The following STARD13 variants were observed in gnomAD, a reference collection of about 807,000 sequenced individuals.
STARD13 encodes the protein stAR-related lipid transfer protein 13.
Under a neutral mutation model 106.4 loss-of-function variants are expected in STARD13, and 62 were observed. The observed-to-expected ratio is 0.58, with a 90% CI of 0.48 to 0.72. STARD13 has a LOEUF of 0.72. Ranked by LOEUF, STARD13 falls within the 30% of genes least tolerant of loss-of-function variation. STARD13 has a pLI of 0.00. For missense variants in STARD13, 1,387 were observed against 1,424.0 expected (o/e 0.97, Z 0.42); for synonymous variants, 565 against 553.0 (o/e 1.02, Z -0.31).
chr13:33,648,523 T>G, the STARD13 span, among the ~76,000 whole-genome samples: 1 of 152,330 alleles, frequency 6.6e-6, no homozygotes, highest in South Asian at 2.1e-4. Context: ...AAATGTGGCA[T>G]AGTATGGAAA....
At chr13:33,334,266 T>A (rs201113108) in intron 1 of STARD13, among the ~76,000 whole-genome samples, 1 of 152,300 alleles carries the variant, frequency 6.6e-6, no homozygotes, top group East Asian at 1.9e-4. Flanking sequence ...GGTGAAAGAC[T>A]TTTTTATTGC....
chr13:33,508,956 C>G, the STARD13 span, among the ~76,000 whole-genome samples: 1 of 152,092 alleles, frequency 6.6e-6, no homozygotes, highest in African/African-American at 2.4e-5. Flanking sequence ...ACCTGTAACA[C>G]AATGGTTAAG....
At chr13:33,576,226 C>T in the STARD13 span, among the ~76,000 whole-genome samples, 5 of 151,882 alleles carry the variant, frequency 3.3e-5, no homozygotes, top group Non-Finnish European at 7.4e-5. Context: ...ACTGTTGGTT[C>T]TGCTCTTTTT....
chr13:33,124,949 A>C (rs630209), intron 7 of STARD13, among the ~76,000 whole-genome samples: 80,947 of 152,064 alleles, frequency 0.53, 23,020 homozygotes, highest in Non-Finnish European at 0.63. Context: ...GCGATGACAT[A>C]CAAATATGGA....
At chr13:33,573,347 C>T in the STARD13 span, among the ~76,000 whole-genome samples, 3 of 152,102 alleles carry the variant, frequency 2.0e-5, no homozygotes. Flanking sequence ...TCGTACATAC[C>T]AACCTATCTA....
chr13:33,637,145 T>G, the STARD13 span, among the ~76,000 whole-genome samples: 1 of 152,180 alleles, frequency 6.6e-6, no homozygotes, highest in African/African-American at 2.4e-5. Context: ...ACTGTCATCA[T>G]CTGGAAAGAG....
At chr13:33,248,657 GT>G (rs1889950018) in intron 1 of STARD13, among the ~76,000 whole-genome samples, 2 of 151,812 alleles carry the variant, frequency 1.3e-5, no homozygotes, top group Non-Finnish European at 2.9e-5. Context: ...ATCTTCTTTT[GT>G]TTTGGTATTC....
chr13:33,140,762 C>CT (rs1190491022), intron 4 of STARD13, among the ~76,000 whole-genome samples: 5,119 of 142,202 alleles, frequency 0.036, 295 homozygotes, highest in African/African-American at 0.11. Flanking sequence ...ACTTTCTTTT[C>CT]TTTCTTTTTT....
chr13:33,173,064 G>A (rs1884151994), intron 1 of STARD13, among the ~76,000 whole-genome samples: 1 of 152,168 alleles, frequency 6.6e-6, no homozygotes, highest in Non-Finnish European at 1.5e-5. Flanking sequence ...TGGGCACCCT[G>A]TTTCTAAAAG....
At chr13:33,515,755 T>G in the STARD13 span, among the ~76,000 whole-genome samples, 9 of 152,094 alleles carry the variant, frequency 5.9e-5, no homozygotes, top group Admixed American at 5.2e-4. Flanking sequence ...AACTAATTAT[T>G]GAGCAGTACA....
chr13:33,581,155 ATGAT>A, the STARD13 span, among the ~76,000 whole-genome samples: 1 of 152,122 alleles, frequency 6.6e-6, no homozygotes, highest in Non-Finnish European at 1.5e-5. Flanking sequence ...AGAACAGAGG[ATGAT>A]TGTCAGAACA....
At chr13:33,292,375 G>A (rs776982539) in intron 1 of STARD13, among the ~76,000 whole-genome samples, 1 of 151,174 alleles carries the variant, frequency 6.6e-6, no homozygotes, top group Non-Finnish European at 1.5e-5. Context: ...TGCATCACTT[G>A]AGCTCAGGAG....
the STARD13 span, among the ~76,000 whole-genome samples, chr13:33,621,883 C>A: frequency 6.6e-6 from 1 of 150,926 alleles, no homozygotes; most frequent in Non-Finnish European, 1.5e-5. Flanking sequence ...TGGCTCACTG[C>A]AACCTCCCCC....
the STARD13 span, among the ~76,000 whole-genome samples, chr13:33,448,341 A>G: frequency 6.6e-6 from 1 of 152,166 alleles, no homozygotes; most frequent in Non-Finnish European, 1.5e-5. Context: ...TAGATTTCAT[A>G]TAAGTGACAT....
intron 1 of STARD13, among the ~76,000 whole-genome samples, chr13:33,331,877 C>T (rs915584697): frequency 2.0e-5 from 3 of 152,130 alleles, no homozygotes; most frequent in Non-Finnish European, 2.9e-5. Context: ...TTTGCTCCTT[C>T]CTCTTAATTA....
At chr13:33,291,553 T>G (rs1436151929) in intron 1 of STARD13, among the ~76,000 whole-genome samples, 2 of 152,186 alleles carry the variant, frequency 1.3e-5, no homozygotes, top group Non-Finnish European at 2.9e-5. Context: ...GGAGGCTTTA[T>G]TTTTTATAAT....
intron 1 of STARD13, among the ~76,000 whole-genome samples, chr13:33,219,831 G>A (rs201224883): frequency 2.1e-4 from 27 of 128,306 alleles, no homozygotes; most frequent in East Asian, 4.4e-4. Context: ...AAAAAAGAAA[G>A]AAAGAAAGAA....
At chr13:33,349,987 C>T (rs2078057025) in intron 1 of STARD13, among the ~76,000 whole-genome samples, 1 of 148,274 alleles carries the variant, frequency 6.7e-6, no homozygotes, top group African/African-American at 2.4e-5. Context: ...ACAGCCTAGG[C>T]TAAAAGGCCG....
rs548539786 is a variant in STARD13, at chr13:33,126,067, G to T, written c.2082+14C>A. ...GGGGGTGGTGGGGCAGCAGCGGGGG[G>T]GTTACAGCCCTACCTGATCGAGGCA... On this transcript the variant is annotated intron_variant, in intron 7 of 13. Transcript: ENST00000336934. The T allele has an allele frequency of 5.1e-5, 82 of 1,612,652 alleles. No individual in the cohort carries two copies. The highest frequency in any genetic ancestry group is 3.6e-4 in the Middle Eastern group (2 of 5,512).
Sources: allele counts gnomAD v4.1 joint callset (sites outside exome capture counted in the v4.1 genomes callset), GRCh38; gene constraint gnomAD v4.1.1; transcripts MANE v1.5; gene names NCBI Gene and HGNC (gene_info 2026-07-23, HGNC 2026-07-21).